The following C17orf75 variants were observed in gnomAD, a reference collection of about 807,000 sequenced individuals.
C17orf75 encodes the protein protein Njmu-R1.
C17orf75 carries 32 observed loss-of-function variants against 49.6 expected under a neutral mutation model. That is an observed-to-expected ratio of 0.65 (90% CI 0.49 to 0.87). The LOEUF (loss-of-function observed/expected upper bound fraction) is 0.87, where lower values mean the gene tolerates loss of function less well. Ranked by LOEUF, C17orf75 falls within the 40% of genes least tolerant of loss-of-function variation. The probability of loss-of-function intolerance (pLI) is 0.00; values close to 1 mark genes in which losing one functional copy is unlikely to be tolerated. For missense variants in C17orf75, 428 were observed against 473.9 expected, an observed-to-expected ratio of 0.90 and a Z score of 0.90; for synonymous variants, 158 against 159.5, an observed-to-expected ratio of 0.99 and a Z score of 0.07.
At chr17:32,336,698 T>C (rs2041329315) in intron 5 of C17orf75, among the ~76,000 whole-genome samples, 1 of 152,210 alleles carries the variant, frequency 6.6e-6, no homozygotes, top group Non-Finnish European at 1.5e-5. Flanking sequence ...ATAAATCTTA[T>C]ATGCCTAGAA....
At position 32,337,959 on chromosome 17, in the gene C17orf75, G is replaced by A. The variant is rs1200865407; in HGVS notation, c.492-5C>T. On this transcript the variant is annotated splice_region_variant and splice_polypyrimidine_tract_variant and intron_variant, in intron 4 of 9. Coordinates refer to ENST00000577809, the MANE Select transcript of C17orf75 (RefSeq NM_022344.4). The stretch of plus-strand genomic sequence containing the variant: ...TTGTCCAATTCAAGCCTGAAAGTAT[G>A]TTCTTAAGGAAGCAATAAAGGATGA... 6.3e-7 allele frequency: 1 copy of A among 1,598,872 alleles called. No individual in the cohort carries two copies.
intron 8 of C17orf75, among the ~76,000 whole-genome samples, chr17:32,334,004 T>C (rs2041301766): frequency 6.6e-6 from 1 of 152,232 alleles, no homozygotes; most frequent in Non-Finnish European, 1.5e-5. Flanking sequence ...TACATTATTC[T>C]GCATATGTTA....
In C17orf75 at chr17:32,329,140, C is replaced by G. The variant is rs1457929020; in HGVS notation, c.*2623G>C. On this transcript the variant is annotated 3_prime_UTR_variant, in exon 10 of 10. Transcript: ENST00000577809. ...TGAGTGCAGTGGTGTGATCTCGACT[C>G]ACTGCAAGCTCCGCCTCCCGGGTTC... 6.6e-6 allele frequency: 1 copy of G among 151,200 alleles called. No homozygotes were observed. Among genetic ancestry groups the G allele is most frequent in the Non-Finnish European group, 1.5e-5 (1 of 67,892 alleles). The allele number at this position is 151,200 out of a possible 1,614,324, so 9.4% of individuals were successfully genotyped here.
Position 32,339,795 on chromosome 17 carries a change from A to G in C17orf75, c.347+18T>C. 1 of 1,613,180 alleles carries G rather than the reference A, an allele frequency of 6.2e-7. No individual in the cohort carries two copies. Among genetic ancestry groups the G allele is most frequent in the Non-Finnish European group, 8.5e-7 (1 of 1,179,656 alleles). The stretch of plus-strand genomic sequence containing the variant: ...GTTCAGAAATAAAAACTCAGGACAC[A>G]GCACATTTTGCACTTACTTTAGCTC... On this transcript the variant is annotated intron_variant, in intron 3 of 9. Transcript: ENST00000577809.
chr17:32,338,322 T>G lies in C17orf75; in HGVS notation c.377A>C (p.Tyr126Ser). 1 of 1,609,538 alleles carries G rather than the reference T, an allele frequency of 6.2e-7. No individual in the cohort carries two copies. The highest frequency in any genetic ancestry group is 8.5e-7 in the Non-Finnish European group (1 of 1,178,864). Residue 126 changes from tyrosine (Y) to serine (S), a missense_variant, in exon 4 of 10, where the codon TAC (tyrosine) becomes TCC (serine). Tyr to Ser is a moderately radical substitution (Grantham distance 144, BLOSUM62 -2). Coordinates refer to ENST00000577809, the MANE Select transcript of C17orf75 (RefSeq NM_022344.4). Reference protein sequence around the residue: ...KIPGYRVGCYYCLFQNEKLLP... With the variant: ...KIPGYRVGCYSCLFQNEKLLP... ...CAGTTTTTCATTTTGGAAAAGGCAG[T>G]AATAACAACCAACTCGGTAACCTGG...
intron 1 of C17orf75, among the ~76,000 whole-genome samples, chr17:32,348,056 C>A (rs529735355): frequency 6.6e-6 from 1 of 151,200 alleles, no homozygotes; most frequent in African/African-American, 2.4e-5. Context: ...CTTGCTCTGT[C>A]GCCCGGACTG....
Position 32,338,246 on chromosome 17 carries a change from C to T in C17orf75, c.453G>A (p.Val151=). Residue 151 remains valine (V), a synonymous_variant, in exon 4 of 10, where the codon GTG becomes GTA. Transcript: ENST00000577809. The stretch of plus-strand genomic sequence containing the variant: ...TTTCAGACCCTCCTAAAAAACAGAC[C>T]ACATATTCTGAAGGGTTACGTTCAG... The part of the protein sequence containing the change: ...IDSERNPSEY[V]VCFLGGSEKG... 6.2e-7 allele frequency: 1 copy of T among 1,612,636 alleles called. No homozygotes were observed. Among genetic ancestry groups the T allele is most frequent in the Non-Finnish European group, 8.5e-7 (1 of 1,179,604 alleles).
chr17:32,332,235 T>C (rs1282057510), intron 9 of C17orf75, among the ~76,000 whole-genome samples: 1 of 152,124 alleles, frequency 6.6e-6, no homozygotes, highest in Non-Finnish European at 1.5e-5. Flanking sequence ...CTCTGCCTCC[T>C]GGGTTCAAGT....
chr17:32,346,257 A>C (rs2041424485), upstream of C17orf75, among the ~76,000 whole-genome samples: 1 of 151,922 alleles, frequency 6.6e-6, no homozygotes, highest in Non-Finnish European at 1.5e-5. Context: ...TTACCTCTAC[A>C]AAAAACACAA....
At chr17:32,348,711 G>GC (rs2041448224) in intron 1 of C17orf75, among the ~76,000 whole-genome samples, 1 of 152,094 alleles carries the variant, frequency 6.6e-6, no homozygotes, top group African/African-American at 2.4e-5. Flanking sequence ...TCACTTGCAT[G>GC]ATCCTCCAGT....
chr17:32,337,859 A>AT, intron 5 of C17orf75, 38 bp downstream of exon 5: 2 of 1,572,156 alleles, frequency 1.3e-6, no homozygotes, highest in Non-Finnish European at 1.7e-6. Context: ...GCCTGGCCCC[A>AT]TTTCAGTCTT....
chr17:32,331,148 C>CAAAG lies in C17orf75; in HGVS notation c.*611_*614dup, dbSNP rs2041269305. On this transcript the variant is annotated 3_prime_UTR_variant, in exon 10 of 10. Transcript: ENST00000577809. ...CAGGCTTGAGCCACTGCGCCCAGCT[C>CAAAG]AAAGATAATATTTTATCTTGAAGCT... 6.6e-6 allele frequency: 1 copy of CAAAG among 152,436 alleles called. No individual in the cohort carries two copies. Among genetic ancestry groups the CAAAG allele is most frequent in the South Asian group, 2.1e-4 (1 of 4,830 alleles). The allele number at this position is 152,436 out of a possible 1,614,324, so 9.4% of individuals were successfully genotyped here.
At chr17:32,342,497 C>T (rs1303257625), upstream of C17orf75, among the ~76,000 whole-genome samples, 1 of 152,210 alleles carries the variant, frequency 6.6e-6, no homozygotes, top group Admixed American at 6.5e-5. Flanking sequence ...CACAGACACC[C>T]GTTTGATCAA....
At chr17:32,347,044 C>T (rs940609938), upstream of C17orf75, among the ~76,000 whole-genome samples, 2 of 151,988 alleles carry the variant, frequency 1.3e-5, no homozygotes, top group African/African-American at 4.8e-5. Flanking sequence ...CTCCACCTGC[C>T]AGGTTCAAGC....
chr17:32,349,997 G>A (rs2041469444), exon 1 of C17orf75: 2 of 1,295,384 alleles, frequency 1.5e-6, no homozygotes, highest in African/African-American at 1.5e-5. Context: ...AGCACAGCCA[G>A]CGAAAGCGAA....
At position 32,330,368 on chromosome 17, in the gene C17orf75, A is replaced by AATTT. The variant is rs1247762384; in HGVS notation, c.*1391_*1394dup. The AATTT allele has an allele frequency of 2.4e-4, 37 of 152,334 alleles. No individual in the cohort carries two copies. The highest frequency in any genetic ancestry group is 5.1e-4 in the Non-Finnish European group (35 of 68,034). 9.4% of individuals were successfully genotyped at this position (152,334 alleles called of 1,614,324 possible). A position where few individuals can be genotyped will look rare whatever the true frequency, so the allele number is the denominator to read the frequency against. On this transcript the variant is annotated 3_prime_UTR_variant, in exon 10 of 10. Coordinates refer to ENST00000577809, the MANE Select transcript of C17orf75 (RefSeq NM_022344.4). ...AAGTTAAAACTCAGCACTTAATGTG[A>AATTT]ATTTAGATCCATTTAAGAGAGGATT...
At chr17:32,338,590 T>C (rs370764982) in intron 3 of C17orf75, among the ~76,000 whole-genome samples, 182 of 152,300 alleles carry the variant, frequency 1.2e-3, no homozygotes, top group African/African-American at 4.1e-3. Flanking sequence ...TGAATTCTCC[T>C]GTCTTATGTG....
chr17:32,340,973 AT>A (rs578073617), intron 2 of C17orf75: 11 of 543,050 alleles, frequency 2.0e-5, no homozygotes, highest in Non-Finnish European at 3.3e-5. Context: ...AAAAAAAAGG[AT>A]TTCTTTTTGG....
At chr17:32,336,421 C>A (rs1363756353) in intron 5 of C17orf75, among the ~76,000 whole-genome samples, 1 of 152,092 alleles carries the variant, frequency 6.6e-6, no homozygotes, top group Non-Finnish European at 1.5e-5. Flanking sequence ...ACTTTGTTGC[C>A]CAGGCTGGCC....
Sources: allele counts gnomAD v4.1 joint callset (sites outside exome capture counted in the v4.1 genomes callset), GRCh38; gene constraint gnomAD v4.1.1; transcripts MANE v1.5; gene names NCBI Gene and HGNC (gene_info 2026-07-23, HGNC 2026-07-21).